SFXN5: variants seen among roughly 807,000 people sequenced by gnomAD.
The protein encoded by SFXN5 is sideroflexin 5.
SFXN5 carries 43 observed loss-of-function variants against 50.2 expected under a neutral mutation model. The ratio of observed to expected loss-of-function variants is 0.86; its 90% CI spans 0.67 to 1.11. The LOEUF is 1.11. SFXN5 is among the 50% of genes least tolerant of loss of function. The pLI is 0.00. For missense variants in SFXN5, 463 were observed against 454.1 expected (o/e 1.02, Z -0.18); for synonymous variants, 203 against 185.8 (o/e 1.09, Z -0.75).
At chr2:73,052,302 A>T (rs1431270497) in intron 2 of SFXN5, among the ~76,000 whole-genome samples, 13 of 152,006 alleles carry the variant, frequency 8.6e-5, no homozygotes, top group African/African-American at 3.1e-4. Flanking sequence ...GCCCTTTCAG[A>T]AAACAGAGCC....
chr2:72,985,404 G>C (rs1458339404), intron 10 of SFXN5, among the ~76,000 whole-genome samples: 1 of 152,154 alleles, frequency 6.6e-6, no homozygotes, highest in Non-Finnish European at 1.5e-5. Flanking sequence ...TACAGGGACT[G>C]GACGGTGGCC....
intron 2 of SFXN5, among the ~76,000 whole-genome samples, chr2:73,047,769 T>C (rs1006050578): frequency 4.6e-5 from 7 of 152,178 alleles, no homozygotes; most frequent in African/African-American, 1.4e-4. Context: ...GTCTTGAGTA[T>C]GTCCTTATTA....
At chr2:73,038,139 C>A (rs1466102072) in intron 3 of SFXN5, among the ~76,000 whole-genome samples, 1 of 152,232 alleles carries the variant, frequency 6.6e-6, no homozygotes, top group Non-Finnish European at 1.5e-5. Context: ...AAGCCTGCAA[C>A]ACACCTAGGC....
chr2:73,046,059 G>A (rs1233131298), intron 2 of SFXN5, among the ~76,000 whole-genome samples: 2 of 114,852 alleles, frequency 1.7e-5, no homozygotes, highest in African/African-American at 1.2e-4. Flanking sequence ...AGAACTTTAA[G>A]CCTGGCTACC....
chr2:73,039,748 G>A, intron 3 of SFXN5, among the ~76,000 whole-genome samples: 1 of 151,786 alleles, frequency 6.6e-6, no homozygotes, highest in East Asian at 1.9e-4. Context: ...GAGGGATAGG[G>A]AACATATACT....
At chr2:73,001,649 C>A in intron 6 of SFXN5, 71 bp from the exon 7 acceptor site, 1 of 1,445,046 alleles carries the variant, frequency 6.9e-7, no homozygotes. Flanking sequence ...AGAAAAAATA[C>A]GCTACCACAA....
chr2:73,018,799 T>G (rs1212549951), intron 6 of SFXN5, among the ~76,000 whole-genome samples: 1 of 152,228 alleles, frequency 6.6e-6, no homozygotes, highest in Admixed American at 6.5e-5. Flanking sequence ...TGTGGTCATA[T>G]AGTAAGTGCA....
chr2:73,008,961 G>A (rs1382587928), intron 6 of SFXN5, among the ~76,000 whole-genome samples: 1 of 152,064 alleles, frequency 6.6e-6, no homozygotes, highest in Non-Finnish European at 1.5e-5. Flanking sequence ...GGTGACTCCC[G>A]GGCAAAGTGG....
intron 2 of SFXN5, chr2:73,044,709 G>A (rs2105941845): frequency 6.6e-6 from 1 of 152,476 alleles, no homozygotes; most frequent in Non-Finnish European, 1.5e-5. Context: ...GCTGTGGTTA[G>A]TGGGAGGACA....
At chr2:72,958,704 G>C (rs1559086589) in intron 13 of SFXN5, among the ~76,000 whole-genome samples, 13 of 151,984 alleles carry the variant, frequency 8.6e-5, no homozygotes, top group African/African-American at 3.1e-4. Flanking sequence ...AGAAATACCC[G>C]CCTTCCCTCT....
intron 1 of SFXN5, chr2:73,071,278 C>G (rs1032049760): frequency 1.4e-5 from 5 of 360,626 alleles, no homozygotes; most frequent in Admixed American, 4.8e-5. Context: ...CGACCCTGAG[C>G]AGCCGCTCGA....
Position 72,992,524 on chromosome 2 carries a change from G to A in SFXN5, c.535-4176C>T, listed in dbSNP as rs181310868. Among the ~76,000 whole-genome samples, 14 of 152,238 alleles carry A rather than the reference G, an allele frequency of 9.2e-5. No individual in the cohort carries two copies. Among genetic ancestry groups the A allele is most frequent in the Non-Finnish European group, 1.3e-4 (9 of 67,998 alleles). On this transcript the variant is annotated intron_variant, in intron 9 of 13. Coordinates refer to ENST00000272433, the MANE Select transcript of SFXN5 (RefSeq NM_144579.3). The surrounding 1 kb of genome is among the most constrained non-coding windows in gnomAD (Gnocchi z 4.5). ...TCGCACCCCAAATGAAGGTTGTCTC[G>A]TTCTTCCTCACCCACACCCCAGCCT...
chr2:73,001,452 A>G, intron 7 of SFXN5, 73 bp downstream of exon 7: 2 of 1,522,166 alleles, frequency 1.3e-6, no homozygotes, highest in South Asian at 2.2e-5. Context: ...AGGAGACACC[A>G]CAGCAGGGAG....
chr2:72,951,880 C>T (rs1009637056), intron 13 of SFXN5, among the ~76,000 whole-genome samples: 2 of 152,250 alleles, frequency 1.3e-5, no homozygotes, highest in Non-Finnish European at 2.9e-5. Context: ...TGCCTGAGGC[C>T]TCTGCCAGGC....
intron 10 of SFXN5, among the ~76,000 whole-genome samples, chr2:72,987,024 T>C (rs917118944): frequency 4.6e-5 from 7 of 152,254 alleles, no homozygotes; most frequent in African/African-American, 1.2e-4. Flanking sequence ...ATAATGTTTC[T>C]AAATGCATAA....
intron 6 of SFXN5, among the ~76,000 whole-genome samples, chr2:73,008,598 A>G (rs1213184398): frequency 6.6e-6 from 1 of 152,144 alleles, no homozygotes; most frequent in Admixed American, 6.5e-5. Context: ...CGTGCATGGA[A>G]GCGGCAGTGC....
intron 13 of SFXN5, among the ~76,000 whole-genome samples, chr2:72,948,278 G>A (rs924793043): frequency 2.6e-5 from 4 of 152,202 alleles, no homozygotes; most frequent in Non-Finnish European, 4.4e-5. Flanking sequence ...CCTTCAGACT[G>A]CACTAATGAA....
intron 13 of SFXN5, among the ~76,000 whole-genome samples, chr2:72,952,402 T>C (rs1022376988): frequency 1.3e-5 from 2 of 152,058 alleles, no homozygotes; most frequent in African/African-American, 4.8e-5. Flanking sequence ...TAAACAGGGG[T>C]GACTACAGTA....
intron 2 of SFXN5, among the ~76,000 whole-genome samples, chr2:73,057,395 C>A (rs886742436): frequency 2.0e-5 from 3 of 152,148 alleles, no homozygotes; most frequent in African/African-American, 7.2e-5. Flanking sequence ...GCCTCAGCCT[C>A]CCAAAGTGAT....
Sources: allele counts gnomAD v4.1 joint callset (sites outside exome capture counted in the v4.1 genomes callset), GRCh38; gene constraint gnomAD v4.1.1; non-coding constraint Gnocchi (gnomAD v3.1); transcripts MANE v1.5; gene names NCBI Gene and HGNC (gene_info 2026-07-23, HGNC 2026-07-21).